Variants in GREB1L observed in about 807,000 individuals in gnomAD.
GREB1L encodes the protein GREB1-like protein.
In GREB1L, 17 loss-of-function variants were observed where a neutral mutation model predicts 200.8. That is an observed-to-expected ratio of 0.08 (90% confidence interval 0.06 to 0.13). The LOEUF (loss-of-function observed/expected upper bound fraction) is 0.13, where lower values mean the gene tolerates loss of function less well. Ranked by LOEUF, GREB1L falls within the 10% of genes least tolerant of loss-of-function variation. GREB1L has a pLI of 1.00. For synonymous variants in GREB1L, 789 were observed against 893.0 expected (o/e 0.88, Z 2.08); for missense variants, 1,657 against 2,367.7 (o/e 0.70, Z 6.23).
intron 4 of GREB1L, among the ~76,000 whole-genome samples, chr18:21,392,962 G>A (rs907018847): frequency 1.3e-5 from 2 of 151,924 alleles, no homozygotes; most frequent in Admixed American, 6.6e-5. Flanking sequence ...TTGTAGAGAT[G>A]GGGTTTCGCC....
chr18:21,385,403 G>A (rs1220103473), intron 4 of GREB1L, among the ~76,000 whole-genome samples: 1 of 150,008 alleles, frequency 6.7e-6, no homozygotes, highest in African/African-American at 2.5e-5. Context: ...GTGATAAACC[G>A]TAAAGGAGTC....
At chr18:21,439,407 C>T (rs112307447) in intron 7 of GREB1L, 114 bp from the exon 8 acceptor site, 27 of 637,668 alleles carry the variant, frequency 4.2e-5, no homozygotes, top group Middle Eastern at 3.5e-4. Flanking sequence ...GAGTCCTATC[C>T]GTGAGGTTTC....
intron 1 of GREB1L, among the ~76,000 whole-genome samples, chr18:21,351,178 T>C (rs1318920496): frequency 6.6e-6 from 1 of 152,226 alleles, no homozygotes; most frequent in Non-Finnish European, 1.5e-5. Flanking sequence ...TATTCTACTG[T>C]TTTGCTTTCT....
rs542266936 is a variant in GREB1L, at chr18:21,505,888, A to G, written c.4307A>G (p.Tyr1436Cys). The change falls in exon 25 of 33, where the codon TAT becomes TGT. Residue 1436 changes from tyrosine (Y) to cysteine (C), a missense_variant. Physicochemically the swap from Tyr to Cys is radical, Grantham distance 194 (BLOSUM62 -2). Transcript: ENST00000424526. ...VSIMLTKYAAYNTFHHCEQCR... is the reference protein window; with the variant it reads ...VSIMLTKYAACNTFHHCEQCR... ...ATAATGCTGACCAAATATGCAGCCT[A>G]TAACACCTTTCACCACTGTGAACAG... 1.3e-6 allele frequency: 2 copies of G among 1,552,274 alleles called. No homozygotes were observed. Among genetic ancestry groups the G allele is most frequent in the Non-Finnish European group, 1.7e-6 (2 of 1,147,058 alleles).
At chr18:21,284,637 A>T (rs1343835220) in intron 1 of GREB1L, among the ~76,000 whole-genome samples, 1 of 152,208 alleles carries the variant, frequency 6.6e-6, no homozygotes, top group African/African-American at 2.4e-5. Flanking sequence ...TGCAGTGAAC[A>T]TCGTGTACAA....
At chr18:21,243,497 C>G (rs1365670175) in intron 1 of GREB1L, among the ~76,000 whole-genome samples, 1 of 152,210 alleles carries the variant, frequency 6.6e-6, no homozygotes, top group Non-Finnish European at 1.5e-5. Flanking sequence ...TTTCCGCCTC[C>G]CCCCGCCTCG....
intron 1 of GREB1L, among the ~76,000 whole-genome samples, chr18:21,268,942 A>C (rs916655291): frequency 2.0e-5 from 3 of 152,024 alleles, no homozygotes; most frequent in Non-Finnish European, 4.4e-5. Flanking sequence ...AAACACAAAT[A>C]GGCTTGTGAA....
intron 15 of GREB1L, among the ~76,000 whole-genome samples, chr18:21,461,668 T>C (rs1224731523): frequency 1.3e-5 from 2 of 152,224 alleles, no homozygotes; most frequent in Admixed American, 6.5e-5. Flanking sequence ...GTGGTGCTCA[T>C]GCACACACTG....
chr18:21,268,575 A>ATATACATG, intron 1 of GREB1L, among the ~76,000 whole-genome samples: 1 of 121,224 alleles, frequency 8.2e-6, no homozygotes, highest in Non-Finnish European at 1.6e-5. Context: ...ATATATATAT[A>ATATACATG]TATATATATA....
chr18:21,500,617 G>A lies in GREB1L; in HGVS notation c.4047G>A (p.Val1349=). 1.3e-6 allele frequency: 2 copies of A among 1,548,416 alleles called. No individual in the cohort carries two copies. The highest frequency in any genetic ancestry group is 1.7e-6 in the Non-Finnish European group (2 of 1,145,722). The part of the protein sequence containing the change: ...RMLIRLLEVD[V]YDEEEINTDH... Reference sequence around the variant, plus strand: ...TCATCAGGCTCCTGGAGGTGGACGTGTATGATGAGGAGGAGATCAACACCG... The same window carrying A: ...TCATCAGGCTCCTGGAGGTGGACGTATATGATGAGGAGGAGATCAACACCG... Residue 1349 remains valine, a synonymous_variant, in exon 23 of 33, where the codon GTG becomes GTA. Coordinates refer to ENST00000424526, the MANE Select transcript of GREB1L (RefSeq NM_001142966.3).
At chr18:21,250,428 T>A (rs2037684156) in intron 1 of GREB1L, among the ~76,000 whole-genome samples, 2 of 151,924 alleles carry the variant, frequency 1.3e-5, no homozygotes, top group African/African-American at 4.8e-5. Context: ...AATGTGCATT[T>A]AAAAAAAATG....
intron 15 of GREB1L, among the ~76,000 whole-genome samples, chr18:21,470,012 G>A (rs1354850521): frequency 6.6e-6 from 1 of 152,084 alleles, no homozygotes; most frequent in Admixed American, 6.6e-5. Context: ...AACCTGTTGG[G>A]CTAGGATCAT....
intron 1 of GREB1L, among the ~76,000 whole-genome samples, chr18:21,346,074 G>C (rs979596141): frequency 1.3e-5 from 2 of 152,120 alleles, no homozygotes; most frequent in Non-Finnish European, 2.9e-5. Flanking sequence ...AAATGAGGTA[G>C]CGGCATGCCT....
At chr18:21,400,793 G>C (rs1389482302) in intron 5 of GREB1L, among the ~76,000 whole-genome samples, 2 of 152,140 alleles carry the variant, frequency 1.3e-5, no homozygotes, top group Non-Finnish European at 2.9e-5. Context: ...TCTAAGGAAG[G>C]AGTATGTGGG....
chr18:21,268,588 T>TATATAC (rs1567914955), intron 1 of GREB1L, among the ~76,000 whole-genome samples: 1 of 134,750 alleles, frequency 7.4e-6, no homozygotes, highest in East Asian at 2.1e-4. Context: ...TATATATATA[T>TATATAC]ATATACATGT....
chr18:21,375,328 C>A (rs2040028458), intron 2 of GREB1L, among the ~76,000 whole-genome samples: 1 of 152,090 alleles, frequency 6.6e-6, no homozygotes, highest in South Asian at 2.1e-4. Flanking sequence ...TCCCAAAGTG[C>A]TGGGATTACA....
intron 15 of GREB1L, among the ~76,000 whole-genome samples, chr18:21,470,404 ATAAT>A (rs759064236): frequency 7.2e-5 from 11 of 152,196 alleles, no homozygotes; most frequent in Non-Finnish European, 1.0e-4. Flanking sequence ...CATTTTTAAC[ATAAT>A]TAATAGTTTC....
rs1355257157 is a variant in GREB1L at position 21,492,207 on chromosome 18, A to G, written c.3030+1856A>G. Reference sequence around the variant, plus strand: ...TAAAAATACAAAAAATTAGCCAGGCATGGTGGCGGGCGCCTGTGGTCCCAG... The same window carrying G: ...TAAAAATACAAAAAATTAGCCAGGCGTGGTGGCGGGCGCCTGTGGTCCCAG... On this transcript the variant is annotated intron_variant, in intron 19 of 32. Transcript: ENST00000424526. Among the ~76,000 whole-genome samples the G allele has an allele frequency of 1.3e-4, 19 of 151,572 alleles. No homozygotes were observed. In the South Asian group the frequency reaches 2.3e-3, roughly 18 times the overall value.
intron 1 of GREB1L, among the ~76,000 whole-genome samples, 173 bp from the exon 2 acceptor site, chr18:21,365,854 C>T (rs1298730064): frequency 6.6e-6 from 1 of 151,832 alleles, no homozygotes; most frequent in Admixed American, 6.6e-5. Context: ...AGTGGAGTAT[C>T]TGTATATTTG....
Sources: allele counts gnomAD v4.1 joint callset (sites outside exome capture counted in the v4.1 genomes callset), GRCh38; gene constraint gnomAD v4.1.1; transcripts MANE v1.5; gene names NCBI Gene and HGNC (gene_info 2026-07-23, HGNC 2026-07-21).